Variants in IQCH observed in about 807,000 individuals in gnomAD.
IQCH encodes the protein IQ domain-containing protein H.
In IQCH, 98 loss-of-function variants were observed where a neutral mutation model predicts 117.0. That is an observed-to-expected ratio of 0.84 (90% CI 0.71 to 0.99). The LOEUF is 0.99. Ranked by LOEUF, IQCH falls within the 50% of genes least tolerant of loss-of-function variation. The pLI is 0.00. For synonymous variants in IQCH, 412 were observed against 448.2 expected, an observed-to-expected ratio of 0.92 and a Z score of 1.02; for missense variants, 1,102 against 1,243.8, an observed-to-expected ratio of 0.89 and a Z score of 1.72.
At chr15:67,402,333 T>A (rs1285106742) in intron 14 of IQCH, among the ~76,000 whole-genome samples, 1 of 152,220 alleles carries the variant, frequency 6.6e-6, no homozygotes, top group Non-Finnish European at 1.5e-5. Flanking sequence ...AATAAAGTAG[T>A]TCTGAAAAGG....
intron 6 of IQCH, among the ~76,000 whole-genome samples, chr15:67,351,127 G>A (rs1596239009): frequency 6.6e-6 from 1 of 152,126 alleles, no homozygotes. Context: ...GAACGTGCAG[G>A]TTTGTTACAT....
At chr15:67,296,040 A>C (rs1435361980) in intron 4 of IQCH, among the ~76,000 whole-genome samples, 1 of 152,188 alleles carries the variant, frequency 6.6e-6, no homozygotes, top group Non-Finnish European at 1.5e-5. Context: ...CATTTAGGGC[A>C]ATCTGAAATT....
At chr15:67,260,324 G>A (rs1267596386) in intron 1 of IQCH, among the ~76,000 whole-genome samples, 1 of 152,172 alleles carries the variant, frequency 6.6e-6, no homozygotes, top group African/African-American at 2.4e-5. Context: ...TGATGTTGGA[G>A]AGAAATCCAT....
intron 16 of IQCH, among the ~76,000 whole-genome samples, chr15:67,446,064 G>A (rs1441028146): frequency 6.6e-6 from 1 of 152,168 alleles, no homozygotes; most frequent in Non-Finnish European, 1.5e-5. Context: ...CATTTCTAAA[G>A]AGGCTCAATA....
intron 4 of IQCH, among the ~76,000 whole-genome samples, chr15:67,307,637 C>T (rs34310656): frequency 0.21 from 31,836 of 152,008 alleles, 4,059 homozygotes; most frequent in East Asian, 0.47. Context: ...TAGATTTAAA[C>T]AAATTGATGT....
At position 67,490,199 on chromosome 15, in the gene IQCH, GTATTT is replaced by G; in HGVS notation, c.2861+145_2861+149del. The G allele has an allele frequency of 2.8e-6, 2 of 721,464 alleles. No homozygotes were observed. The highest frequency in any genetic ancestry group is 4.7e-6 in the Non-Finnish European group (2 of 421,302). 44.7% of individuals were successfully genotyped at this position (721,464 alleles called of 1,614,324 possible). On this transcript the variant is annotated intron_variant, in intron 19 of 20. Coordinates refer to ENST00000335894, the MANE Select transcript of IQCH (RefSeq NM_001031715.3). The surrounding 1 kb of genome is among the most constrained non-coding windows in gnomAD (Gnocchi z 4.9). ...AGTCTATCTTTATTTAGATCTTCAG[GTATTT>G]TATTTTATTCTATTTTTTTGAGACG... is the stretch of plus-strand genomic sequence containing the variant.
intron 10 of IQCH, among the ~76,000 whole-genome samples, chr15:67,380,765 A>G (rs1036035414): frequency 2.0e-5 from 3 of 152,214 alleles, no homozygotes; most frequent in Non-Finnish European, 2.9e-5. Flanking sequence ...AAGCTTGAGT[A>G]TGCTGCTGGG....
At chr15:67,270,633 T>G (rs1380790047) in intron 3 of IQCH, among the ~76,000 whole-genome samples, 3 of 152,172 alleles carry the variant, frequency 2.0e-5, no homozygotes, top group Non-Finnish European at 4.4e-5. Context: ...CCTCTTCCTC[T>G]CTCTTGCTGC....
At chr15:67,379,009 A>G (rs1435397598) in intron 10 of IQCH, among the ~76,000 whole-genome samples, 1 of 152,238 alleles carries the variant, frequency 6.6e-6, no homozygotes, top group Admixed American at 6.5e-5. Context: ...TTTTAAAATA[A>G]CAATAATAAG....
chr15:67,333,877 C>T (rs900155206), intron 4 of IQCH, among the ~76,000 whole-genome samples: 6 of 151,870 alleles, frequency 4.0e-5, no homozygotes, highest in Non-Finnish European at 7.4e-5. Context: ...GGCAACATAG[C>T]GAAACCCTGT....
intron 13 of IQCH, among the ~76,000 whole-genome samples, chr15:67,399,525 GT>G (rs1385072863): frequency 6.6e-6 from 1 of 152,120 alleles, no homozygotes; most frequent in Non-Finnish European, 1.5e-5. Context: ...TTTCACAAAT[GT>G]TTTATCTCCT....
chr15:67,430,912 C>A lies in IQCH; in HGVS notation c.2505+9335C>A, dbSNP rs1048441825. On this transcript the variant is annotated intron_variant, in intron 16 of 20. Transcript: ENST00000335894. The surrounding 1 kb of genome is among the most constrained non-coding windows in gnomAD (Gnocchi z 5.1). ...CAACTACGTAGAACAATAAAAGAGA[C>A]ATCAAAAAGGTAATATCAGTTTAAC... 2.6e-5 allele frequency among the ~76,000 whole-genome samples: 4 copies of A among 152,158 alleles called. No homozygotes were observed. Among genetic ancestry groups the A allele is most frequent in the African/African-American group, 9.7e-5 (4 of 41,440 alleles).
chr15:67,362,625 G>A (rs1444588793), intron 8 of IQCH, among the ~76,000 whole-genome samples: 1 of 152,128 alleles, frequency 6.6e-6, no homozygotes. Context: ...GTATAAAAAG[G>A]AGATTGGATC....
intron 6 of IQCH, among the ~76,000 whole-genome samples, chr15:67,347,290 CA>C (rs1969440692): frequency 6.6e-6 from 1 of 150,866 alleles, no homozygotes; most frequent in South Asian, 2.1e-4. Context: ...GCAGACTAAC[CA>C]AGATTAAAAG....
At chr15:67,323,140 A>T (rs879593156) in intron 4 of IQCH, among the ~76,000 whole-genome samples, 8 of 151,508 alleles carry the variant, frequency 5.3e-5, no homozygotes, top group Middle Eastern at 3.2e-3. Flanking sequence ...CTAATTATTT[A>T]TCTGCCTCCT....
intron 4 of IQCH, among the ~76,000 whole-genome samples, chr15:67,296,666 G>A (rs1474227059): frequency 1.3e-5 from 2 of 152,086 alleles, no homozygotes; most frequent in East Asian, 1.9e-4. Flanking sequence ...TAGGATGATA[G>A]GAAGTTGAAT....
At position 67,466,866 on chromosome 15, in the gene IQCH, AG is replaced by A. The variant is rs1420195275; in HGVS notation, c.2676+1572del. 6.6e-6 allele frequency: 1 copy of A among 152,340 alleles called. No individual in the cohort carries two copies. Among genetic ancestry groups the A allele is most frequent in the Non-Finnish European group, 1.5e-5 (1 of 68,168 alleles). 9.4% of individuals were successfully genotyped at this position (152,340 alleles called of 1,614,324 possible). On this transcript the variant is annotated intron_variant, in intron 17 of 20. Transcript: ENST00000335894. The surrounding 1 kb of genome is among the most constrained non-coding windows in gnomAD (Gnocchi z 4.4). ...TGAGAGACCCTATGTTCAGTGCTAG[AG>A]GGAGAAACAGCAGTGACACTTGAGC...
At chr15:67,346,797 C>G (rs965662310) in intron 6 of IQCH, among the ~76,000 whole-genome samples, 4 of 152,160 alleles carry the variant, frequency 2.6e-5, no homozygotes, top group Non-Finnish European at 5.9e-5. Flanking sequence ...AGACCATATT[C>G]TGGACCATAA....
intron 10 of IQCH, among the ~76,000 whole-genome samples, chr15:67,380,574 T>C (rs1253998025): frequency 6.6e-6 from 1 of 152,234 alleles, no homozygotes; most frequent in African/African-American, 2.4e-5. Flanking sequence ...TTCTCTATTA[T>C]TATAAGATGC....
Sources: gnomAD v4.1 joint callset for allele counts (sites outside exome capture counted in the v4.1 genomes callset) on GRCh38, gnomAD v4.1.1 for gene constraint, Gnocchi (gnomAD v3.1) non-coding constraint, MANE v1.5 for transcripts, NCBI Gene and HGNC (gene_info 2026-07-23, HGNC 2026-07-21) for gene names.